BTRC: variants seen among roughly 807,000 people sequenced by gnomAD.
BTRC encodes F-box/WD repeat-containing protein 1A.
A neutral mutation model predicts 85.5 loss-of-function variants in BTRC; 42 were observed. The ratio of observed to expected loss-of-function variants is 0.49; its 90% CI spans 0.38 to 0.64. BTRC has a LOEUF of 0.64. Ranked by LOEUF, BTRC falls within the 30% of genes least tolerant of loss-of-function variation. BTRC has a pLI of 0.00. For synonymous variants in BTRC, 255 were observed against 263.3 expected (o/e 0.97, Z 0.30); for missense variants, 594 against 743.5 (o/e 0.80, Z 2.34).
At chr10:101,480,745 A>G (rs934247741) in intron 4 of BTRC, among the ~76,000 whole-genome samples, 3 of 152,218 alleles carry the variant, frequency 2.0e-5, no homozygotes, top group Non-Finnish European at 4.4e-5. Flanking sequence ...CATACATATA[A>G]GAAATATCAG....
At chr10:101,455,979 TAA>T (rs1160989283) in intron 2 of BTRC, among the ~76,000 whole-genome samples, 4 of 13,538 alleles carry the variant, frequency 3.0e-4, no homozygotes, top group Admixed American at 1.4e-3. Flanking sequence ...CTGTCTCTAC[TAA>T]AAACACACAC....
Position 101,554,522 on chromosome 10 carries a change from C to G in BTRC, c.*1399C>G, listed in dbSNP as rs532577797. 1 of 152,728 alleles carries G rather than the reference C, an allele frequency of 6.5e-6. No homozygotes were observed. Among genetic ancestry groups the G allele is most frequent in the East Asian group, 1.9e-4 (1 of 5,186 alleles). The allele number at this position is 152,728 out of a possible 1,614,324, so 9.5% of individuals were successfully genotyped here. ...AACCTTCCTTCTGCTTCTCCCACAC[C>G]CAGTATTTGCAGAAGGGCAAAGCTG... On this transcript the variant is annotated 3_prime_UTR_variant, in exon 15 of 15. Transcript: ENST00000370187.
intron 1 of BTRC, among the ~76,000 whole-genome samples, chr10:101,417,870 A>G (rs1589442482): frequency 6.6e-6 from 1 of 151,978 alleles, no homozygotes; most frequent in African/African-American, 2.4e-5. Flanking sequence ...TAGAGGCAGG[A>G]TCTCAAAATG....
intron 1 of BTRC, among the ~76,000 whole-genome samples, chr10:101,415,282 C>T (rs978993736): frequency 6.6e-6 from 1 of 151,478 alleles, no homozygotes; most frequent in South Asian, 2.1e-4. Flanking sequence ...CTGAAATGAT[C>T]CTCCTGCTGC....
intron 4 of BTRC, among the ~76,000 whole-genome samples, chr10:101,506,700 C>G (rs776642112): frequency 4.6e-5 from 7 of 152,212 alleles, no homozygotes; most frequent in Admixed American, 1.3e-4. Flanking sequence ...ATTTCAATCT[C>G]AGTTGACTAA....
At chr10:101,424,417 A>G (rs1449392268) in intron 1 of BTRC, among the ~76,000 whole-genome samples, 1 of 152,188 alleles carries the variant, frequency 6.6e-6, no homozygotes, top group African/African-American at 2.4e-5. Flanking sequence ...ATTATGGTAT[A>G]CTGCATTTCT....
intron 6 of BTRC, among the ~76,000 whole-genome samples, chr10:101,528,511 A>G (rs2062233475): frequency 6.6e-6 from 1 of 152,156 alleles, no homozygotes; most frequent in Admixed American, 6.6e-5. Context: ...TCTTTTGAGT[A>G]TCCTTCAGAG....
intron 1 of BTRC, among the ~76,000 whole-genome samples, chr10:101,401,743 C>A (rs911530081): frequency 6.7e-6 from 1 of 149,922 alleles, no homozygotes; most frequent in East Asian, 2.0e-4. Flanking sequence ...GAGGCTGAGT[C>A]GGGAGGATCT....
chr10:101,374,218 G>A (rs1942722897), intron 1 of BTRC, among the ~76,000 whole-genome samples: 1 of 151,910 alleles, frequency 6.6e-6, no homozygotes, highest in Non-Finnish European at 1.5e-5. Flanking sequence ...ATCCTCTCCA[G>A]CACTTGTTGT....
intron 4 of BTRC, among the ~76,000 whole-genome samples, chr10:101,504,219 CTT>C (rs1159624378): frequency 6.6e-6 from 1 of 152,204 alleles, no homozygotes; most frequent in Non-Finnish European, 1.5e-5. Context: ...GACAATTAAA[CTT>C]TATTACTCCG....
intron 4 of BTRC, among the ~76,000 whole-genome samples, chr10:101,507,017 C>G (rs1946559870): frequency 6.6e-6 from 1 of 152,092 alleles, no homozygotes; most frequent in Non-Finnish European, 1.5e-5. Context: ...GATTTTATGC[C>G]TATATATGCT....
rs141269140 is a variant in BTRC at position 101,360,436 on chromosome 10, C to G, written c.48+6208C>G. 3.6e-3 allele frequency among the ~76,000 whole-genome samples: 533 copies of G among 148,506 alleles called. 3 individuals are homozygous for G. Among genetic ancestry groups the G allele is most frequent in the Non-Finnish European group, 6.5e-3 (441 of 67,570 alleles). ...TCACCCAGGCTGGAGTGCAATGGCACGATCTCAACTCACTGCAACCTCCGC... is the reference window on the plus strand; with the variant it reads ...TCACCCAGGCTGGAGTGCAATGGCAGGATCTCAACTCACTGCAACCTCCGC... On this transcript the variant is annotated intron_variant, in intron 1 of 14. Coordinates refer to ENST00000370187, the MANE Select transcript of BTRC (RefSeq NM_033637.4).
In BTRC at chr10:101,484,921, AG is replaced by A. The variant is rs1473244936; in HGVS notation, c.324+5465del. Among the ~76,000 whole-genome samples, 9 of 152,356 alleles carry A rather than the reference AG, an allele frequency of 5.9e-5. No homozygotes were observed. The East Asian group carries it at 1.7e-3, about 29-fold the overall frequency. On this transcript the variant is annotated intron_variant, in intron 4 of 14. Coordinates refer to ENST00000370187, the MANE Select transcript of BTRC (RefSeq NM_033637.4). ...TTTCCAAGTTCACTTTGCATTAATA[AG>A]AGAAGCCAGGACCCCTCTTATAGAC...
chr10:101,362,204 G>T (rs1942229084), intron 1 of BTRC, among the ~76,000 whole-genome samples: 1 of 152,024 alleles, frequency 6.6e-6, no homozygotes, highest in African/African-American at 2.4e-5. Context: ...TGATTCGCCC[G>T]CCTTGGCCTC....
At chr10:101,538,151 C>T in intron 12 of BTRC, 142 bp from the exon 13 acceptor site, 1 of 707,012 alleles carries the variant, frequency 1.4e-6, no homozygotes, top group Non-Finnish European at 2.5e-6. Flanking sequence ...TAAAGCTAGC[C>T]TGTTTCTCAT....
At chr10:101,505,151 G>GTATATA (rs1363005355) in intron 4 of BTRC, among the ~76,000 whole-genome samples, 379 of 95,278 alleles carry the variant, frequency 4.0e-3, no homozygotes, top group African/African-American at 0.013. Flanking sequence ...ATATATATAT[G>GTATATA]TATATGTATA....
chr10:101,449,996 G>GC, intron 2 of BTRC, among the ~76,000 whole-genome samples: 1 of 116,112 alleles, frequency 8.6e-6, no homozygotes, highest in Middle Eastern at 5.0e-3. Context: ...GGATAAAAAT[G>GC]TAAAAAAAAA....
At chr10:101,487,000 AACATT>A (rs1946006729) in intron 4 of BTRC, among the ~76,000 whole-genome samples, 1 of 152,236 alleles carries the variant, frequency 6.6e-6, no homozygotes, top group Non-Finnish European at 1.5e-5. Context: ...ATCTTATTGA[AACATT>A]ACATTTTATA....
chr10:101,466,421 G>A (rs1945374710), intron 3 of BTRC, among the ~76,000 whole-genome samples: 1 of 152,180 alleles, frequency 6.6e-6, no homozygotes, highest in African/African-American at 2.4e-5. Flanking sequence ...CAAAGTAGCT[G>A]TCTCCCTTGT....
Sources: allele counts gnomAD v4.1 joint callset (sites outside exome capture counted in the v4.1 genomes callset), GRCh38; gene constraint gnomAD v4.1.1; transcripts MANE v1.5; gene names NCBI Gene and HGNC (gene_info 2026-07-23, HGNC 2026-07-21).